INPP4B: variants seen among roughly 807,000 people sequenced by gnomAD.
The protein encoded by INPP4B is inositol polyphosphate 4-phosphatase type II.
Under a neutral mutation model 122.5 loss-of-function variants are expected in INPP4B, and 55 were observed. The observed-to-expected ratio is 0.45, with a 90% CI of 0.36 to 0.56. INPP4B has a LOEUF of 0.56. Ranked by LOEUF, INPP4B falls within the 20% of genes least tolerant of loss-of-function variation. INPP4B has a pLI of 0.00. For missense variants in INPP4B, 1,000 were observed against 1,097.7 expected (o/e 0.91, Z 1.26); for synonymous variants, 403 against 388.7 (o/e 1.04, Z -0.43).
chr4:142,554,555 A>C (rs1728738815), intron 2 of INPP4B, among the ~76,000 whole-genome samples: 1 of 152,218 alleles, frequency 6.6e-6, no homozygotes. Context: ...TGGACAAGGT[A>C]CTGTGAGATT....
chr4:142,339,349 G>A (rs1178002800), intron 7 of INPP4B, among the ~76,000 whole-genome samples: 4 of 152,178 alleles, frequency 2.6e-5, no homozygotes, highest in African/African-American at 7.2e-5. Context: ...CATTAAGGTA[G>A]ATTATTGTAA....
intron 12 of INPP4B, among the ~76,000 whole-genome samples, chr4:142,223,004 AT>A (rs34148926): frequency 6.6e-6 from 1 of 152,002 alleles, no homozygotes; most frequent in South Asian, 2.1e-4. Flanking sequence ...TGTGAACTAC[AT>A]TTTTTTTATC....
chr4:142,571,136 G>A lies in INPP4B; in HGVS notation c.-190-108410C>T, dbSNP rs1732724924. On this transcript the variant is annotated intron_variant, in intron 2 of 25. Transcript: ENST00000262992. ...AGCATGGAGTGGGGCAGAAGGTGAA[G>A]AGGAAAAGAGGAAGAGGGCCTTGGC... is the stretch of plus-strand genomic sequence containing the variant. Among the ~76,000 whole-genome samples the A allele has an allele frequency of 2.7e-5, 4 of 146,688 alleles. No individual in the cohort carries two copies. The South Asian group carries it at 8.8e-4, about 32-fold the overall frequency.
chr4:142,635,017 A>T (rs933357183), intron 2 of INPP4B, among the ~76,000 whole-genome samples: 1 of 152,120 alleles, frequency 6.6e-6, no homozygotes, highest in East Asian at 1.9e-4. Context: ...ATTACAAGAG[A>T]AAAACAACCC....
chr4:142,708,398 G>C (rs1043349695), intron 2 of INPP4B, among the ~76,000 whole-genome samples: 4 of 152,138 alleles, frequency 2.6e-5, no homozygotes, highest in Non-Finnish European at 2.9e-5. Flanking sequence ...TGCCTCAAAG[G>C]CATTTCAGAA....
intron 22 of INPP4B, among the ~76,000 whole-genome samples, chr4:142,108,927 G>A (rs1561143928): frequency 6.6e-6 from 1 of 152,110 alleles, no homozygotes; most frequent in African/African-American, 2.4e-5. Flanking sequence ...ATTTCTAGGT[G>A]TGAATAGAAA....
At chr4:142,501,821 C>T (rs994446595) in intron 2 of INPP4B, among the ~76,000 whole-genome samples, 4 of 152,072 alleles carry the variant, frequency 2.6e-5, no homozygotes, top group South Asian at 4.2e-4. Context: ...ACTGTATGAG[C>T]TTAAAAACAC....
At chr4:142,183,743 G>A (rs1330553125) in intron 15 of INPP4B, among the ~76,000 whole-genome samples, 1 of 152,144 alleles carries the variant, frequency 6.6e-6, no homozygotes, top group African/African-American at 2.4e-5. Flanking sequence ...TGTTGTTTCA[G>A]TTTGCAGCAA....
At chr4:142,178,299 C>T (rs1034517546) in intron 15 of INPP4B, among the ~76,000 whole-genome samples, 1 of 152,162 alleles carries the variant, frequency 6.6e-6, no homozygotes, top group African/African-American at 2.4e-5. Context: ...ATTGCAACCA[C>T]CCCAACATTT....
chr4:142,031,603 G>A (rs995566259), intron 25 of INPP4B, among the ~76,000 whole-genome samples: 1 of 152,080 alleles, frequency 6.6e-6, no homozygotes, highest in Non-Finnish European at 1.5e-5. Flanking sequence ...GCAAAAGGGG[G>A]TTTATTTTTG....
intron 1 of INPP4B, among the ~76,000 whole-genome samples, chr4:142,733,714 G>A (rs1766418624): frequency 2.0e-5 from 3 of 152,160 alleles, no homozygotes; most frequent in Admixed American, 2.0e-4. Flanking sequence ...AAAGAGTTTG[G>A]TAGTATCTCT....
chr4:142,398,444 AT>A (rs1275331032), intron 7 of INPP4B, among the ~76,000 whole-genome samples: 49 of 94,492 alleles, frequency 5.2e-4, no homozygotes, highest in African/African-American at 8.2e-4. Context: ...ATATATATAT[AT>A]AAAACATATT....
intron 11 of INPP4B, among the ~76,000 whole-genome samples, chr4:142,248,253 C>T (rs1729936870): frequency 6.6e-6 from 1 of 151,958 alleles, no homozygotes; most frequent in African/African-American, 2.4e-5. Flanking sequence ...AGCCTTTTCC[C>T]CATGAGATTT....
At chr4:142,106,506 A>C (rs1787196922) in intron 23 of INPP4B, among the ~76,000 whole-genome samples, 1 of 152,170 alleles carries the variant, frequency 6.6e-6, no homozygotes, top group Non-Finnish European at 1.5e-5. Flanking sequence ...AAATTTTTTA[A>C]ACTTATATTC....
chr4:142,201,091 C>T (rs981299220), intron 14 of INPP4B, among the ~76,000 whole-genome samples: 1 of 152,034 alleles, frequency 6.6e-6, no homozygotes, highest in Non-Finnish European at 1.5e-5. Context: ...AGCATTTTTA[C>T]ACTTCAGGTC....
At chr4:142,374,690 A>G (rs993059048) in intron 7 of INPP4B, among the ~76,000 whole-genome samples, 1 of 151,912 alleles carries the variant, frequency 6.6e-6, no homozygotes, top group African/African-American at 2.4e-5. Flanking sequence ...ATGCTTCTTA[A>G]GGAAGTCACA....
intron 1 of INPP4B, among the ~76,000 whole-genome samples, chr4:142,751,670 C>T (rs1418236813): frequency 6.6e-6 from 1 of 152,008 alleles, no homozygotes; most frequent in Non-Finnish European, 1.5e-5. Flanking sequence ...ATAGCTTCTG[C>T]CTGGAGTATA....
At chr4:142,121,456 C>T (rs538126154) in intron 21 of INPP4B, among the ~76,000 whole-genome samples, 3 of 152,138 alleles carry the variant, frequency 2.0e-5, no homozygotes, top group African/African-American at 4.8e-5. Context: ...TAAATATCCT[C>T]ATGCAGCAAT....
At chr4:142,134,365 C>A (rs1414288552) in intron 18 of INPP4B, among the ~76,000 whole-genome samples, 1 of 152,168 alleles carries the variant, frequency 6.6e-6, no homozygotes, top group Non-Finnish European at 1.5e-5. Context: ...TCCCATGTTA[C>A]TCTGTTACTT....
Sources: allele counts gnomAD v4.1 joint callset (sites outside exome capture counted in the v4.1 genomes callset), GRCh38; gene constraint gnomAD v4.1.1; transcripts MANE v1.5; gene names NCBI Gene and HGNC (gene_info 2026-07-23, HGNC 2026-07-21).